CELF2: variants seen among roughly 807,000 people sequenced by gnomAD.
CELF2 encodes the protein CUGBP Elav-like family member 2.
Under a neutral mutation model 62.6 loss-of-function variants are expected in CELF2, and 8 were observed. The observed-to-expected ratio is 0.13, with a 90% CI of 0.07 to 0.23. CELF2 has a LOEUF of 0.23. Ranked by LOEUF, CELF2 falls within the 10% of genes least tolerant of loss-of-function variation. The pLI is 1.00. For synonymous variants in CELF2, 258 were observed against 250.0 expected, an observed-to-expected ratio of 1.03 and a Z score of -0.30; for missense variants, 333 against 671.0, an observed-to-expected ratio of 0.50 and a Z score of 5.56.
rs1293131074 is a variant in CELF2 at position 11,305,387 on chromosome 10, C to A, written c.977-8752C>A. On this transcript the variant is annotated intron_variant, in intron 9 of 12. Coordinates refer to ENST00000633077, the MANE Select transcript of CELF2 (RefSeq NM_001326342.2). This position sits in a 1 kb window ranked among gnomAD's most constrained non-coding sequence, Gnocchi z 4.8. ...GTGCCGGCGCCCATCCTGCATCCCT[C>A]ACGGGTACACCGGGGCCAGTCCCTT... 6.6e-6 allele frequency among the ~76,000 whole-genome samples: 1 copy of A among 152,224 alleles called. No individual in the cohort carries two copies. Among genetic ancestry groups the A allele is most frequent in the Non-Finnish European group, 1.5e-5 (1 of 68,040 alleles).
the CELF2 span, among the ~76,000 whole-genome samples, chr10:10,540,758 C>T: frequency 1.5e-4 from 23 of 152,230 alleles, no homozygotes; most frequent in African/African-American, 5.3e-4. Context: ...CTACCCAAAC[C>T]GTGTCCACTG....
At chr10:11,125,180 C>G (rs1750729) in intron 1 of CELF2, among the ~76,000 whole-genome samples, 26,881 of 152,088 alleles carry the variant, frequency 0.18, 2,686 homozygotes, top group African/African-American at 0.27. Flanking sequence ...GTGTGAGGAC[C>G]TCTGGGCCCA....
At chr10:11,230,260 C>T (rs1019332945) in intron 3 of CELF2, among the ~76,000 whole-genome samples, 8 of 152,186 alleles carry the variant, frequency 5.3e-5, no homozygotes, top group Admixed American at 2.0e-4. Flanking sequence ...TTTCACAGTG[C>T]GTCTGTGTGT....
rs1430759182 is a variant in CELF2 at position 10,895,181 on chromosome 10, G to A, written c.54-24783G>A. Among the ~76,000 whole-genome samples the A allele has an allele frequency of 2.0e-5, 3 of 152,126 alleles. No homozygotes were observed. The East Asian group carries it at 5.8e-4, about 29-fold the overall frequency. On this transcript the variant is annotated intron_variant, in intron 1 of 13. Transcript: ENST00000636488. Reference sequence around the variant, plus strand: ...TGAACCCAGGAGATCAAACCCCTGAGCCCAGCTGCCTCCTGATGTCCTTTA... The same window carrying A: ...TGAACCCAGGAGATCAAACCCCTGAACCCAGCTGCCTCCTGATGTCCTTTA...
intron 1 of CELF2, among the ~76,000 whole-genome samples, chr10:10,880,003 T>C (rs2061350231): frequency 6.6e-6 from 1 of 152,234 alleles, no homozygotes; most frequent in African/African-American, 2.4e-5. Context: ...TAAATCCATT[T>C]AGCAAATATT....
At chr10:11,072,850 T>C (rs1316334049) in intron 1 of CELF2, among the ~76,000 whole-genome samples, 2 of 151,988 alleles carry the variant, frequency 1.3e-5, no homozygotes, top group Non-Finnish European at 2.9e-5. Context: ...GGAGGTATGC[T>C]AACTGAGGAT....
At chr10:10,500,867 G>A in the CELF2 span, among the ~76,000 whole-genome samples, 1 of 152,182 alleles carries the variant, frequency 6.6e-6, no homozygotes, top group African/African-American at 2.4e-5. Flanking sequence ...GTCATTTTTA[G>A]AGTCTTTTAT....
At chr10:11,097,096 C>CA (rs1217919978) in intron 1 of CELF2, among the ~76,000 whole-genome samples, 1 of 152,154 alleles carries the variant, frequency 6.6e-6, no homozygotes, top group Non-Finnish European at 1.5e-5. Flanking sequence ...TTCTCCTGAT[C>CA]ATGTTTTCCC....
Position 11,191,490 on chromosome 10 carries a change from C to G in CELF2, c.271+25808C>G, listed in dbSNP as rs558445161. ...TGGACCAGGACGTGCTGTGGGGCGT[C>G]AGCTACCAACCTTGTGGTCTCGGGA... On this transcript the variant is annotated intron_variant, in intron 2 of 12. Transcript: ENST00000633077. The surrounding 1 kb of genome is among the most constrained non-coding windows in gnomAD (Gnocchi z 4.1). 2.6e-5 allele frequency among the ~76,000 whole-genome samples: 4 copies of G among 152,266 alleles called. No individual in the cohort carries two copies. The East Asian group carries it at 7.7e-4, about 29-fold the overall frequency.
the CELF2 span, among the ~76,000 whole-genome samples, chr10:10,663,197 G>A: frequency 1.3e-5 from 2 of 152,220 alleles, no homozygotes; most frequent in South Asian, 2.1e-4. Context: ...TCAAAATATT[G>A]TGAGGAGGAA....
chr10:11,005,294 G>GAGAGA, upstream of CELF2: 3 of 1,570,274 alleles, frequency 1.9e-6, no homozygotes, highest in Non-Finnish European at 1.7e-6. The surrounding 1 kb of genome is among the most constrained non-coding windows in gnomAD (Gnocchi z 4.3). Context: ...GAGAGAGAGA[G>GAGAGA]GGAGGAGAGG....
chr10:11,101,880 A>G (rs2051767698), intron 1 of CELF2, among the ~76,000 whole-genome samples: 1 of 152,226 alleles, frequency 6.6e-6, no homozygotes, highest in Non-Finnish European at 1.5e-5. Context: ...TTCAATAATG[A>G]CAGGAAAATA....
At chr10:10,867,839 G>A (rs1222869779) in intron 1 of CELF2, among the ~76,000 whole-genome samples, 1 of 152,236 alleles carries the variant, frequency 6.6e-6, no homozygotes, top group Non-Finnish European at 1.5e-5. Flanking sequence ...CATCAGCATG[G>A]CCTTCAAGTA....
intron 1 of CELF2, among the ~76,000 whole-genome samples, chr10:11,102,804 T>A (rs995690244): frequency 2.6e-5 from 4 of 152,222 alleles, no homozygotes; most frequent in African/African-American, 9.6e-5. Flanking sequence ...TGCCTTGGAA[T>A]CATGCCTCAC....
At chr10:10,871,925 T>C (rs1404833369) in intron 1 of CELF2, among the ~76,000 whole-genome samples, 1 of 152,218 alleles carries the variant, frequency 6.6e-6, no homozygotes, top group Non-Finnish European at 1.5e-5. Flanking sequence ...AGCTATAATA[T>C]TGAGTACATT....
chr10:10,777,102 C>T, the CELF2 span, among the ~76,000 whole-genome samples: 7 of 152,300 alleles, frequency 4.6e-5, no homozygotes, highest in East Asian at 1.2e-3. Flanking sequence ...TCCATGCACC[C>T]GCTGTGGTCA....
intron 2 of CELF2, among the ~76,000 whole-genome samples, chr10:10,980,156 A>G (rs1160135043): frequency 6.6e-6 from 1 of 152,244 alleles, no homozygotes; most frequent in African/African-American, 2.4e-5. Flanking sequence ...TTTAAATGTC[A>G]AAGAATAATA....
At chr10:10,980,223 T>C (rs920454573) in intron 2 of CELF2, among the ~76,000 whole-genome samples, 1 of 152,240 alleles carries the variant, frequency 6.6e-6, no homozygotes, top group African/African-American at 2.4e-5. Context: ...TCTTTTCTCC[T>C]GTCTTCCGCA....
the CELF2 span, among the ~76,000 whole-genome samples, chr10:10,498,024 G>A: frequency 6.6e-5 from 10 of 152,142 alleles, no homozygotes; most frequent in Admixed American, 5.2e-4. Context: ...GATAAGAGGC[G>A]GGAAGAAGTG....
Sources: gnomAD v4.1 joint callset for allele counts (sites outside exome capture counted in the v4.1 genomes callset) on GRCh38, gnomAD v4.1.1 for gene constraint, Gnocchi (gnomAD v3.1) non-coding constraint, MANE v1.5 for transcripts, NCBI Gene and HGNC (gene_info 2026-07-23, HGNC 2026-07-21) for gene names.